Variants in ZNF138 observed in about 807,000 individuals in gnomAD.
The protein encoded by ZNF138 is zinc finger protein 138 (clone pHZ-32).
In ZNF138, 33 loss-of-function variants were observed where a neutral mutation model predicts 33.0. The ratio of observed to expected loss-of-function variants is 1.00; its 90% CI spans 0.76 to 1.34. The LOEUF (loss-of-function observed/expected upper bound fraction) is 1.34. ZNF138 is among the 40% of genes most tolerant of loss of function. The pLI is 0.00. For synonymous variants in ZNF138, 139 were observed against 120.4 expected, an observed-to-expected ratio of 1.15 and a Z score of -1.01; for missense variants, 360 against 370.8, an observed-to-expected ratio of 0.97 and a Z score of 0.24.
In ZNF138 at chr7:64,831,486, G is replaced by C. The variant is rs754840981; in HGVS notation, c.244G>C (p.Glu82Gln). ...TCGTTTTGCCCAAGACCTTTGGCTA[G>C]AGCAGAACATAAAAGATTCTTTCCA... ...CSRFAQDLWL[E>Q]QNIKDSFQKV... Residue 82 changes from glutamate to glutamine, a missense_variant, in exon 4 of 4, where the codon GAG becomes CAG. Coordinates refer to ENST00000307355, the MANE Select transcript of ZNF138 (RefSeq NM_001271639.2). The C allele has an allele frequency of 2.5e-6, 4 of 1,595,168 alleles. No individual in the cohort carries two copies. The highest frequency in any genetic ancestry group is 3.4e-6 in the Non-Finnish European group (4 of 1,173,164).
the ZNF138 span, among the ~76,000 whole-genome samples, chr7:64,847,334 T>TATATATATATATATATATATATA: frequency 1.1e-5 from 1 of 93,606 alleles, no homozygotes; most frequent in South Asian, 3.8e-4. Flanking sequence ...ATATATATAT[T>TATATATATATATATATATATATA]TTTTTTTTTT....
At chr7:64,848,883 T>C in the ZNF138 span, among the ~76,000 whole-genome samples, 3 of 151,986 alleles carry the variant, frequency 2.0e-5, no homozygotes, top group African/African-American at 7.3e-5. Context: ...TTTTTGTATT[T>C]TTAATAGAGA....
chr7:64,809,869 G>C (rs200807059), intron 1 of ZNF138, among the ~76,000 whole-genome samples: 76,557 of 83,444 alleles, frequency 0.92, 35,159 homozygotes, highest in South Asian at 0.97. Context: ...AGGCGGCCGG[G>C]CAGAGACGCT....
the ZNF138 span, among the ~76,000 whole-genome samples, chr7:64,839,294 C>T: frequency 6.6e-6 from 1 of 152,158 alleles, no homozygotes; most frequent in South Asian, 2.1e-4. Flanking sequence ...GGAGGTTGCG[C>T]AGGAGGCACC....
intron 3 of ZNF138, among the ~76,000 whole-genome samples, chr7:64,823,278 T>C (rs1410864521): frequency 6.6e-6 from 1 of 152,204 alleles, no homozygotes; most frequent in Non-Finnish European, 1.5e-5. Flanking sequence ...TTGCTTTTAA[T>C]TCCTAGGTTT....
chr7:64,838,893 TGGC>T, the ZNF138 span, among the ~76,000 whole-genome samples: 47,171 of 151,684 alleles, frequency 0.31, 7,882 homozygotes, highest in Middle Eastern at 0.37. Flanking sequence ...GGAAGTAAGA[TGGC>T]GGCGGTGAGG....
chr7:64,826,423 G>T (rs1470761434), intron 3 of ZNF138, among the ~76,000 whole-genome samples: 1 of 152,032 alleles, frequency 6.6e-6, no homozygotes, highest in Admixed American at 6.6e-5. Context: ...GGGATTACAG[G>T]CATGCACCAC....
chr7:64,806,870 TCCCCAAAATCTGGCCATAAACTGG>T, intron 1 of ZNF138, among the ~76,000 whole-genome samples: 1 of 152,120 alleles, frequency 6.6e-6, no homozygotes, highest in East Asian at 1.9e-4. Flanking sequence ...GGGAACAGGC[TCCCCAAAATCTGGCCATAAACTGG>T]CCCCAAAAAC....
intron 1 of ZNF138, among the ~76,000 whole-genome samples, chr7:64,796,857 A>G (rs1786728253): frequency 6.6e-6 from 1 of 152,254 alleles, no homozygotes; most frequent in South Asian, 2.1e-4. Context: ...AGCCTGGCCA[A>G]CATGGTGAAA....
the ZNF138 span, among the ~76,000 whole-genome samples, chr7:64,858,295 G>T: frequency 6.6e-6 from 1 of 152,192 alleles, no homozygotes; most frequent in East Asian, 1.9e-4. Context: ...GAAGTGATGT[G>T]TGGATAAAAA....
chr7:64,840,019 G>T, the ZNF138 span, among the ~76,000 whole-genome samples: 2 of 152,022 alleles, frequency 1.3e-5, no homozygotes, highest in Non-Finnish European at 2.9e-5. Context: ...GTTGAGTTTC[G>T]CGCTTCTGAG....
At chr7:64,798,917 T>C (rs1786915679) in intron 1 of ZNF138, among the ~76,000 whole-genome samples, 2 of 151,882 alleles carry the variant, frequency 1.3e-5, no homozygotes, top group Admixed American at 1.3e-4. Context: ...CTTTTTTTTT[T>C]TTTTTTAATC....
At chr7:64,803,689 T>C (rs1028495278) in intron 1 of ZNF138, among the ~76,000 whole-genome samples, 1 of 152,236 alleles carries the variant, frequency 6.6e-6, no homozygotes, top group African/African-American at 2.4e-5. Context: ...ATTTCAATAT[T>C]TTTATATTCA....
At chr7:64,810,340 G>C (rs1352061496) in intron 1 of ZNF138, among the ~76,000 whole-genome samples, 2 of 139,584 alleles carry the variant, frequency 1.4e-5, no homozygotes, top group Admixed American at 1.5e-4. Flanking sequence ...GCAGGCACTC[G>C]GCAGGCTGAG....
At chr7:64,853,365 C>A in the ZNF138 span, 1 of 1,418,074 alleles carries the variant, frequency 7.1e-7, no homozygotes, top group Non-Finnish European at 9.8e-7. Flanking sequence ...GGTTGTTGGG[C>A]CCCACTCTCC....
intron 3 of ZNF138, among the ~76,000 whole-genome samples, chr7:64,829,750 C>G (rs1056449224): frequency 1.1e-4 from 17 of 151,662 alleles, no homozygotes; most frequent in African/African-American, 4.1e-4. Flanking sequence ...GTTTTCTGCA[C>G]TATTATGATA....
At chr7:64,849,641 G>A in the ZNF138 span, among the ~76,000 whole-genome samples, 1 of 152,006 alleles carries the variant, frequency 6.6e-6, no homozygotes, top group Non-Finnish European at 1.5e-5. Context: ...GTGGGGGTGT[G>A]GTTCTCCGGT....
chr7:64,794,614 C>A, intron 1 of ZNF138, 43 bp downstream of exon 1: 1 of 1,612,646 alleles, frequency 6.2e-7, no homozygotes, highest in Non-Finnish European at 8.5e-7. Flanking sequence ...GGGGAGGGAG[C>A]TGGTTGGAAC....
chr7:64,795,716 A>G (rs1786636557), intron 1 of ZNF138, among the ~76,000 whole-genome samples: 1 of 151,332 alleles, frequency 6.6e-6, no homozygotes, highest in Admixed American at 6.6e-5. Context: ...CTAGGTACAG[A>G]GATCTTATCA....
Sources: allele counts gnomAD v4.1 joint callset (sites outside exome capture counted in the v4.1 genomes callset), GRCh38; gene constraint gnomAD v4.1.1; transcripts MANE v1.5; gene names NCBI Gene and HGNC (gene_info 2026-07-23, HGNC 2026-07-21).